Variants in MRPS22 observed in about 807,000 individuals in gnomAD.
The protein encoded by MRPS22 is small ribosomal subunit protein mS22.
In MRPS22, 30 loss-of-function variants were observed where a neutral mutation model predicts 44.0. The observed-to-expected ratio is 0.68, with a 90% CI of 0.51 to 0.93. MRPS22 has a LOEUF of 0.93. MRPS22 is among the 40% of genes least tolerant of loss of function. MRPS22 has a pLI of 0.00. For missense variants in MRPS22, 447 were observed against 447.8 expected (o/e 1.00, Z 0.02); for synonymous variants, 165 against 154.4 (o/e 1.07, Z -0.51).
At position 139,348,320 on chromosome 3, in the gene MRPS22, A is replaced by G; in HGVS notation, c.500A>G (p.His167Arg). Residue 167 changes from histidine to arginine, a missense_variant, in exon 3 of 8, where the codon CAC becomes CGC. His to Arg is a conservative substitution (Grantham distance 29, BLOSUM62 0). Transcript: ENST00000680020. ...VFTDISYSIP[H>R]RERFIVVREP... is the part of the protein sequence containing the mutation. ...ACTGATATATCATATAGCATACCAC[A>G]CCGGGTGAGTATATGTCTAATCGCA... 6.2e-7 allele frequency: 1 copy of G among 1,613,834 alleles called. No individual in the cohort carries two copies. Among genetic ancestry groups the G allele is most frequent in the Non-Finnish European group, 8.5e-7 (1 of 1,179,866 alleles).
Position 139,357,011 on chromosome 3 carries a change from C to T in MRPS22, c.1080C>T (p.Ser360=). The change falls in exon 8 of 8, where the codon TCC becomes TCT. Residue 360 remains serine, a synonymous_variant. Coordinates refer to ENST00000680020, the MANE Select transcript of MRPS22 (RefSeq NM_020191.4). ...QEALSRHSAA[S] ...CACTCAGTCGCCATTCTGCAGCTTCCTAAAAATATTTTAAAAATACATTTA... is the reference window on the plus strand; with the variant it reads ...CACTCAGTCGCCATTCTGCAGCTTCTTAAAAATATTTTAAAAATACATTTA... 6.2e-7 allele frequency: 1 copy of T among 1,605,416 alleles called. No individual in the cohort carries two copies. Among genetic ancestry groups the T allele is most frequent in the Non-Finnish European group, 8.5e-7 (1 of 1,173,366 alleles).
Position 139,352,715 on chromosome 3 carries a change from C to A in MRPS22, c.801C>A (p.Tyr267Ter). 1.2e-6 allele frequency: 2 copies of A among 1,613,306 alleles called. No homozygotes were observed. The highest frequency in any genetic ancestry group is 1.7e-6 in the Non-Finnish European group (2 of 1,179,370). Residue 267 changes from tyrosine (Y) to a stop codon, truncating the protein, a stop_gained, in exon 6 of 8, where the codon TAC becomes TAA. Coordinates refer to ENST00000680020, the MANE Select transcript of MRPS22 (RefSeq NM_020191.4). LOFTEE classifies it high-confidence loss of function. ...GKYDLLRSTRYFGGMVWYFVN... is the reference protein window; with the variant it reads ...GKYDLLRSTR ...ATGACCTTTTACGTTCAACAAGATACTTTGGTGGAATGGTGTGGTATTTTG... is the reference window on the plus strand; with the variant it reads ...ATGACCTTTTACGTTCAACAAGATAATTTGGTGGAATGGTGTGGTATTTTG...
At chr3:139,349,476 C>T (rs1468688550) in intron 3 of MRPS22, 2 of 252,544 alleles carry the variant, frequency 7.9e-6, no homozygotes, top group Non-Finnish European at 8.0e-6. Context: ...TCCATGTATG[C>T]CACTCCCGGT....
At chr3:139,355,574 T>A (rs1234884109) in intron 6 of MRPS22, 108 bp from the exon 7 acceptor site, 1 of 924,250 alleles carries the variant, frequency 1.1e-6, no homozygotes, top group Non-Finnish European at 1.7e-6. Flanking sequence ...CCCTCCAGCC[T>A]GAGGAAAGTC....
intron 7 of MRPS22, among the ~76,000 whole-genome samples, chr3:139,355,993 A>G (rs1449082177): frequency 1.3e-5 from 2 of 152,160 alleles, no homozygotes; most frequent in African/African-American, 4.8e-5. Context: ...AGTGCAGTAA[A>G]GTAGGTTGAG....
intron 3 of MRPS22, 52 bp downstream of exon 3, chr3:139,348,376 G>A: frequency 6.3e-7 from 1 of 1,579,918 alleles, no homozygotes. Context: ...ACTATGTGGA[G>A]AAGGGCTTGA....
intron 7 of MRPS22, 117 bp from the exon 8 acceptor site, chr3:139,356,802 C>T (rs9878548): frequency 1.1e-5 from 8 of 712,576 alleles, no homozygotes; most frequent in Non-Finnish European, 1.9e-5. Flanking sequence ...AATCTGAAAG[C>T]CCTTTTTAAG....
Position 139,346,783 on chromosome 3 carries a change from T to C in MRPS22, c.173-95T>C. 2.3e-6 allele frequency: 3 copies of C among 1,289,402 alleles called. No individual in the cohort carries two copies. The Admixed American group carries it at 5.2e-5, about 22-fold the overall frequency. 79.9% of individuals were successfully genotyped at this position (1,289,402 alleles called of 1,614,324 possible). ...TTTTGCAGTGCCAAGGTAGACATTGTGCTAATGCTTTTTATTGTTAACTGA... is the reference window on the plus strand; with the variant it reads ...TTTTGCAGTGCCAAGGTAGACATTGCGCTAATGCTTTTTATTGTTAACTGA... On this transcript the variant is annotated intron_variant, in intron 1 of 7. Coordinates refer to ENST00000680020, the MANE Select transcript of MRPS22 (RefSeq NM_020191.4).
Position 139,352,655 on chromosome 3 carries a change from C to CA in MRPS22, c.743dup (p.Thr249AspfsTer3). The CA allele has an allele frequency of 6.2e-7, 1 of 1,613,012 alleles. No individual in the cohort carries two copies. The highest frequency in any genetic ancestry group is 1.3e-5 in the African/African-American group (1 of 75,022). On this transcript the variant is annotated frameshift_variant, in exon 6 of 8. Transcript: ENST00000680020. LOFTEE classifies it high-confidence loss of function. ...GCATTTTATGTGGATAGGTTCATCACAAGACCTATGAAGATATAGATAAAC... is the reference window on the plus strand; with the variant it reads ...GCATTTTATGTGGATAGGTTCATCACAAAGACCTATGAAGATATAGATAAAC...
At chr3:139,350,415 C>T in intron 4 of MRPS22, 93 bp downstream of exon 4, 3 of 1,380,710 alleles carry the variant, frequency 2.2e-6, no homozygotes, top group Non-Finnish European at 2.0e-6. Flanking sequence ...ATAAACATTT[C>T]TAATGATAAC....
chr3:139,345,584 G>A (rs1941027150), intron 1 of MRPS22, among the ~76,000 whole-genome samples: 1 of 151,950 alleles, frequency 6.6e-6, no homozygotes, highest in Non-Finnish European at 1.5e-5. Flanking sequence ...CTAATAAATG[G>A]TAGCTCTTAT....
At chr3:139,348,521 C>T in intron 3 of MRPS22, 197 bp downstream of exon 3, 1 of 610,444 alleles carries the variant, frequency 1.6e-6, no homozygotes. Flanking sequence ...TACCATTTCT[C>T]AGCAGATAAT....
intron 6 of MRPS22, among the ~76,000 whole-genome samples, chr3:139,355,250 C>T (rs975479504): frequency 6.6e-6 from 1 of 152,168 alleles, no homozygotes; most frequent in African/African-American, 2.4e-5. Flanking sequence ...TTTGAGATCC[C>T]TGTGACCACC....
intron 1 of MRPS22, 35 bp downstream of exon 1, chr3:139,344,233 T>A (rs1288818334): frequency 6.4e-7 from 1 of 1,571,452 alleles, no homozygotes; most frequent in Non-Finnish European, 8.6e-7. Flanking sequence ...TGGGGCGTTC[T>A]TCTGGGAGAC....
chr3:139,352,850 T>G (rs1941179452), intron 6 of MRPS22, 58 bp downstream of exon 6: 49 of 1,552,454 alleles, frequency 3.2e-5, no homozygotes, highest in Non-Finnish European at 4.2e-5. Context: ...AGTTCATCTG[T>G]ATTTAGGCTA....
intron 2 of MRPS22, among the ~76,000 whole-genome samples, chr3:139,347,841 C>T (rs900881992): frequency 1.3e-5 from 2 of 152,222 alleles, no homozygotes; most frequent in Non-Finnish European, 2.9e-5. Flanking sequence ...ACTGTTTGAA[C>T]ACTATCTGGC....
intron 2 of MRPS22, among the ~76,000 whole-genome samples, chr3:139,347,631 G>A (rs756953693): frequency 6.6e-6 from 1 of 152,158 alleles, no homozygotes; most frequent in Non-Finnish European, 1.5e-5. Flanking sequence ...TAACAGTATG[G>A]CATGAAGCAA....
chr3:139,350,999 A>G lies in MRPS22; in HGVS notation c.671A>G (p.His224Arg). The G allele has an allele frequency of 6.2e-7, 1 of 1,614,144 alleles. No homozygotes were observed. Among genetic ancestry groups the G allele is most frequent in the Non-Finnish European group, 8.5e-7 (1 of 1,179,974 alleles). ...TAGACTATGTATAGCCAGGACAGGC[A>G]TGTTGATGTCCTCAATCTCTGCTTT... ...NLRTMYSQDRHVDVLNLCFAQ... is the reference protein window; with the variant it reads ...NLRTMYSQDRRVDVLNLCFAQ... Residue 224 changes from histidine (H) to arginine (R), a missense_variant, in exon 5 of 8, where the codon CAT becomes CGT. His to Arg is a conservative substitution (Grantham distance 29). Coordinates refer to ENST00000680020, the MANE Select transcript of MRPS22 (RefSeq NM_020191.4).
chr3:139,344,608 G>T (rs968092127), intron 1 of MRPS22: 3 of 649,696 alleles, frequency 4.6e-6, no homozygotes, highest in Non-Finnish European at 8.3e-6. Context: ...CCAAAGCTGA[G>T]ATCTGGTTAG....
Sources: gnomAD v4.1 joint callset for allele counts (sites outside exome capture counted in the v4.1 genomes callset) on GRCh38, gnomAD v4.1.1 for gene constraint, MANE v1.5 for transcripts, NCBI Gene and HGNC (gene_info 2026-07-23, HGNC 2026-07-21) for gene names.